The following CWC27 variants were observed in gnomAD, a reference collection of about 807,000 sequenced individuals.
CWC27 encodes spliceosome-associated protein CWC27 homolog.
Under a neutral mutation model 63.6 loss-of-function variants are expected in CWC27, and 47 were observed. The ratio of observed to expected loss-of-function variants is 0.74; its 90% confidence interval spans 0.58 to 0.94. CWC27 has a LOEUF of 0.94. CWC27 is among the 40% of genes least tolerant of loss of function. The pLI is 0.00. For synonymous variants in CWC27, 175 were observed against 179.8 expected (o/e 0.97, Z 0.22); for missense variants, 495 against 554.3 (o/e 0.89, Z 1.07).
intron 11 of CWC27, among the ~76,000 whole-genome samples, chr5:64,929,850 A>G (rs1397391382): frequency 6.6e-6 from 1 of 152,078 alleles, no homozygotes; most frequent in Admixed American, 6.6e-5. Context: ...CATATGACCC[A>G]GCAGTTACAC....
chr5:64,835,380 A>G (rs754848452), intron 10 of CWC27, among the ~76,000 whole-genome samples: 28 of 151,862 alleles, frequency 1.8e-4, no homozygotes, highest in Non-Finnish European at 3.7e-4. Context: ...ATGGATGTCC[A>G]TAAAGCAAAT....
intron 11 of CWC27, among the ~76,000 whole-genome samples, chr5:64,951,743 T>C (rs1748714287): frequency 1.3e-5 from 2 of 151,980 alleles, no homozygotes; most frequent in Non-Finnish European, 2.9e-5. Flanking sequence ...ATATAATATG[T>C]AATCTTTTGC....
chr5:64,855,493 A>G (rs1746231277), intron 10 of CWC27, among the ~76,000 whole-genome samples: 1 of 152,134 alleles, frequency 6.6e-6, no homozygotes, highest in Non-Finnish European at 1.5e-5. Flanking sequence ...CTTCTTTGAG[A>G]GCAATATAAG....
At chr5:64,807,425 C>T (rs916183447) in intron 10 of CWC27, among the ~76,000 whole-genome samples, 4 of 152,200 alleles carry the variant, frequency 2.6e-5, no homozygotes, top group Non-Finnish European at 5.9e-5. Context: ...GTGTTCTCAA[C>T]AATGTCTCTA....
intron 10 of CWC27, among the ~76,000 whole-genome samples, chr5:64,883,241 C>T (rs1301503412): frequency 6.6e-6 from 1 of 152,142 alleles, no homozygotes; most frequent in Non-Finnish European, 1.5e-5. Context: ...CCTCCCACAA[C>T]ACATGGGGAT....
chr5:65,005,365 A>G (rs1749823330), intron 13 of CWC27, among the ~76,000 whole-genome samples: 1 of 152,110 alleles, frequency 6.6e-6, no homozygotes, highest in South Asian at 2.1e-4. Flanking sequence ...TGGCATGCTC[A>G]TGCACATACA....
intron 11 of CWC27, among the ~76,000 whole-genome samples, chr5:64,893,451 G>T (rs1042692994): frequency 1.3e-5 from 2 of 152,154 alleles, no homozygotes; most frequent in African/African-American, 4.8e-5. Context: ...ATGGTATCAG[G>T]TTGATTTTTA....
chr5:64,923,978 C>A (rs931282953), intron 11 of CWC27, among the ~76,000 whole-genome samples: 9 of 151,936 alleles, frequency 5.9e-5, no homozygotes, highest in African/African-American at 1.9e-4. Context: ...TCATCCCTAC[C>A]CTTATAGACA....
At chr5:64,890,345 G>C (rs1406998404) in intron 11 of CWC27, among the ~76,000 whole-genome samples, 1 of 152,156 alleles carries the variant, frequency 6.6e-6, no homozygotes, top group Non-Finnish European at 1.5e-5. Flanking sequence ...AGGCTTGATA[G>C]GTTGTGAAAG....
intron 13 of CWC27, among the ~76,000 whole-genome samples, chr5:65,002,399 G>A (rs1053902557): frequency 2.0e-5 from 3 of 151,808 alleles, no homozygotes; most frequent in South Asian, 2.1e-4. Context: ...TGCATAAATC[G>A]TTCTACTTTT....
chr5:64,938,268 C>T (rs1004468064), intron 11 of CWC27, among the ~76,000 whole-genome samples: 3 of 152,126 alleles, frequency 2.0e-5, no homozygotes, highest in Non-Finnish European at 4.4e-5. Context: ...ATGTTTAGTG[C>T]TTCCTTCAGG....
chr5:64,843,936 C>A (rs1288232778), intron 10 of CWC27, among the ~76,000 whole-genome samples: 1 of 152,044 alleles, frequency 6.6e-6, no homozygotes, highest in Non-Finnish European at 1.5e-5. Flanking sequence ...CGCCACCCCG[C>A]AGCCCCGACC....
intron 10 of CWC27, among the ~76,000 whole-genome samples, chr5:64,842,538 G>A (rs751055016): frequency 6.6e-5 from 10 of 151,850 alleles, no homozygotes; most frequent in Non-Finnish European, 1.2e-4. Context: ...TCCTGACCTC[G>A]TGATCCACTC....
At chr5:64,812,672 A>G (rs541753705) in intron 10 of CWC27, among the ~76,000 whole-genome samples, 1 of 152,176 alleles carries the variant, frequency 6.6e-6, no homozygotes, top group South Asian at 2.1e-4. Flanking sequence ...TTTTTTCCTA[A>G]CCAATCATTC....
In CWC27 at chr5:64,971,721, A is replaced by G. The variant is rs1417486685; in HGVS notation, c.1061A>G (p.Asp354Gly). Residue 354 changes from aspartate (D) to glycine (G), a missense_variant, in exon 12 of 14, where the codon GAT becomes GGT. Transcript: ENST00000381070. ...KRSEEEEAPP[D>G]GAVAEYRREK... ...TCTTTAGAGGAAGAAGCCCCTCCAGATGGTGCTGTTGCCGAATACAGAAGA... is the reference window on the plus strand; with the variant it reads ...TCTTTAGAGGAAGAAGCCCCTCCAGGTGGTGCTGTTGCCGAATACAGAAGA... The G allele has an allele frequency of 6.2e-7, 1 of 1,607,452 alleles. No homozygotes were observed. Among genetic ancestry groups the G allele is most frequent in the South Asian group, 1.1e-5 (1 of 89,550 alleles).
chr5:64,891,140 G>A (rs1237102215), intron 11 of CWC27, among the ~76,000 whole-genome samples: 1 of 152,158 alleles, frequency 6.6e-6, no homozygotes, highest in East Asian at 1.9e-4. Flanking sequence ...TAATGGGCCT[G>A]ATTCATTAAG....
At chr5:64,832,752 C>T (rs372226915) in intron 10 of CWC27, among the ~76,000 whole-genome samples, 1 of 151,762 alleles carries the variant, frequency 6.6e-6, no homozygotes, top group African/African-American at 2.4e-5. Context: ...TTAGACTTTG[C>T]TACACCGCTT....
chr5:64,906,988 G>A (rs985958118), intron 11 of CWC27, among the ~76,000 whole-genome samples: 2 of 152,064 alleles, frequency 1.3e-5, no homozygotes, highest in Non-Finnish European at 2.9e-5. Flanking sequence ...GATGTGTGGT[G>A]TTATTTCTGA....
At chr5:64,966,890 G>A (rs934995540) in intron 11 of CWC27, among the ~76,000 whole-genome samples, 5 of 120,804 alleles carry the variant, frequency 4.1e-5, no homozygotes, top group African/African-American at 1.4e-4. Context: ...AAAAATTTTT[G>A]TTTGTTTTAA....
Sources: allele counts gnomAD v4.1 joint callset (sites outside exome capture counted in the v4.1 genomes callset), GRCh38; gene constraint gnomAD v4.1.1; transcripts MANE v1.5; gene names NCBI Gene and HGNC (gene_info 2026-07-23, HGNC 2026-07-21).